GLT1D1: variants seen among roughly 807,000 people sequenced by gnomAD.
The protein encoded by GLT1D1 is glycosyltransferase 1 domain containing 1.
GLT1D1 carries 21 observed loss-of-function variants against 28.7 expected under a neutral mutation model. That is an observed-to-expected ratio of 0.73 (90% CI 0.52 to 1.05). The LOEUF is 1.05. Among genes scored for constraint, GLT1D1 ranks in the 50% least tolerant of loss-of-function variants. The pLI is 0.00. For synonymous variants in GLT1D1, 147 were observed against 124.8 expected (o/e 1.18, Z -1.19); for missense variants, 343 against 330.6 (o/e 1.04, Z -0.29).
intron 4 of GLT1D1, among the ~76,000 whole-genome samples, chr12:128,929,556 A>G (rs1873649170): frequency 6.6e-6 from 1 of 152,156 alleles, no homozygotes; most frequent in South Asian, 2.1e-4. Flanking sequence ...AGTTTTTTGT[A>G]GTTCCCTAGG....
chr12:128,945,692 G>C (rs1380488474), intron 5 of GLT1D1, among the ~76,000 whole-genome samples: 1 of 152,206 alleles, frequency 6.6e-6, no homozygotes, highest in African/African-American at 2.4e-5. Context: ...TTGGTGTGTT[G>C]GTTATAAGTT....
chr12:128,875,080 G>A (rs1956840694), intron 1 of GLT1D1, among the ~76,000 whole-genome samples: 1 of 151,958 alleles, frequency 6.6e-6, no homozygotes, highest in Non-Finnish European at 1.5e-5. Context: ...GTGTGTGTGT[G>A]TGTGTGTGTG....
At chr12:128,861,030 T>C (rs1328853060) in intron 1 of GLT1D1, among the ~76,000 whole-genome samples, 2 of 152,016 alleles carry the variant, frequency 1.3e-5, no homozygotes, top group East Asian at 1.9e-4. Context: ...AAGGAGTGGA[T>C]GTAAAAAATA....
At chr12:128,915,861 A>T (rs887750150) in intron 4 of GLT1D1, among the ~76,000 whole-genome samples, 1 of 152,160 alleles carries the variant, frequency 6.6e-6, no homozygotes, top group Non-Finnish European at 1.5e-5. Context: ...TCCTTTTTTT[A>T]AAATAATTCT....
At chr12:128,868,410 G>T (rs1164605829) in intron 1 of GLT1D1, among the ~76,000 whole-genome samples, 1 of 152,180 alleles carries the variant, frequency 6.6e-6, no homozygotes, top group Non-Finnish European at 1.5e-5. Flanking sequence ...GAGGGTCGAG[G>T]TATTAGGAAG....
intron 4 of GLT1D1, among the ~76,000 whole-genome samples, chr12:128,940,173 T>C (rs1462860325): frequency 6.6e-6 from 1 of 152,144 alleles, no homozygotes; most frequent in East Asian, 1.9e-4. Flanking sequence ...TCTGTAGCTC[T>C]CATCGTTATT....
At chr12:128,859,143 C>T (rs750697032) in intron 1 of GLT1D1, among the ~76,000 whole-genome samples, 2 of 152,196 alleles carry the variant, frequency 1.3e-5, no homozygotes, top group Non-Finnish European at 2.9e-5. Context: ...AGGCCATGGT[C>T]ACTCATATTT....
chr12:128,957,707 T>C (rs968163954), intron 7 of GLT1D1, 64 bp downstream of exon 11: 13 of 1,064,328 alleles, frequency 1.2e-5, no homozygotes, highest in African/African-American at 1.1e-4. Context: ...CTATGTTTAA[T>C]GGAGAGATTC....
chr12:128,905,081 T>TGAAC (rs113145505), intron 4 of GLT1D1, among the ~76,000 whole-genome samples: 10 of 151,636 alleles, frequency 6.6e-5, no homozygotes, highest in African/African-American at 1.9e-4. Context: ...TTTCCCACCC[T>TGAAC]AAACACTCAG....
In GLT1D1 at chr12:128,934,196, G is replaced by GTTTTTTTTTTTTTTTTTTT. The variant is rs1410503648; in HGVS notation, c.376-11129_376-11128insTTTTTTTTTTTTTTTTTTT. On this transcript the variant is annotated intron_variant, in intron 4 of 7. Transcript: ENST00000281703. ...GACTTACTGTGTCTTCAAAGAGACAGTCTTTTTTTTTTTTTTTTTTTTTTT... is the reference window on the plus strand; with the variant it reads ...GACTTACTGTGTCTTCAAAGAGACAGTTTTTTTTTTTTTTTTTTTTCTTTTTTTTTTTTTTTTTTTTTTT... 5.4e-5 allele frequency among the ~76,000 whole-genome samples: 7 copies of GTTTTTTTTTTTTTTTTTTT among 128,686 alleles called. 1 individual carries two copies. Among genetic ancestry groups the GTTTTTTTTTTTTTTTTTTT allele is most frequent in the Non-Finnish European group, 6.4e-5 (4 of 62,118 alleles). 84.4% of individuals were successfully genotyped at this position (128,686 alleles called of 152,430 possible).
At chr12:128,962,321 T>A (rs1383759302) in intron 7 of GLT1D1, among the ~76,000 whole-genome samples, 3 of 152,244 alleles carry the variant, frequency 2.0e-5, no homozygotes, top group African/African-American at 7.2e-5. Flanking sequence ...AGACACAATG[T>A]CCAGAGTCTT....
chr12:128,881,297 G>A (rs188321062), intron 2 of GLT1D1, among the ~76,000 whole-genome samples: 1 of 148,596 alleles, frequency 6.7e-6, no homozygotes, highest in African/African-American at 2.5e-5. Flanking sequence ...TTTGAAGGCT[G>A]AGGCAGGCAG....
chr12:128,936,810 T>A (rs1372396710), intron 4 of GLT1D1, among the ~76,000 whole-genome samples: 2 of 152,232 alleles, frequency 1.3e-5, no homozygotes, highest in Non-Finnish European at 2.9e-5. Context: ...GAATTTTCAT[T>A]GTGGCTTGCG....
At chr12:128,892,007 G>A (rs1306036011) in intron 3 of GLT1D1, among the ~76,000 whole-genome samples, 1 of 152,176 alleles carries the variant, frequency 6.6e-6, no homozygotes, top group African/African-American at 2.4e-5. Flanking sequence ...GGAAAGGCGG[G>A]ACAACTGGAA....
intron 4 of GLT1D1, among the ~76,000 whole-genome samples, chr12:128,910,082 T>C (rs964840679): frequency 6.6e-6 from 1 of 152,246 alleles, no homozygotes; most frequent in Non-Finnish European, 1.5e-5. Flanking sequence ...CAGACTTCCT[T>C]TATACTGCAA....
chr12:128,883,438 A>C (rs908150072), intron 2 of GLT1D1, among the ~76,000 whole-genome samples: 10 of 151,374 alleles, frequency 6.6e-5, no homozygotes, highest in African/African-American at 2.4e-4. Context: ...AAAAATACAA[A>C]AATTAGCTGG....
intron 7 of GLT1D1, among the ~76,000 whole-genome samples, chr12:128,976,349 T>G (rs1260129253): frequency 6.6e-6 from 1 of 151,876 alleles, no homozygotes; most frequent in Non-Finnish European, 1.5e-5. Flanking sequence ...TGAGGGCGGG[T>G]ATGTGGGGCG....
chr12:128,965,109 G>A (rs931133172), intron 7 of GLT1D1, among the ~76,000 whole-genome samples: 1 of 152,234 alleles, frequency 6.6e-6, no homozygotes, highest in African/African-American at 2.4e-5. Context: ...GGATTTTGCA[G>A]ATGTGATTAA....
intron 6 of GLT1D1, among the ~76,000 whole-genome samples, chr12:128,948,726 AAAGTT>A (rs34847767): frequency 0.45 from 67,863 of 151,610 alleles, 16,285 homozygotes; most frequent in Non-Finnish European, 0.54. Flanking sequence ...CTTACTGACA[AAAGTT>A]AAGATCTGCA....
Sources: allele counts gnomAD v4.1 joint callset (sites outside exome capture counted in the v4.1 genomes callset), GRCh38; gene constraint gnomAD v4.1.1; transcripts MANE v1.5; gene names NCBI Gene and HGNC (gene_info 2026-07-23, HGNC 2026-07-21).